The following GALNT17 variants were observed in gnomAD, a reference collection of about 807,000 sequenced individuals.
GALNT17 encodes UDP-GalNAc:polypeptide N-acetylgalactosaminyltransferase-like 3.
A neutral mutation model predicts 63.7 loss-of-function variants in GALNT17; 29 were observed. That is an observed-to-expected ratio of 0.46 (90% CI 0.34 to 0.62). GALNT17 has a LOEUF of 0.62. GALNT17 is among the 20% of genes least tolerant of loss of function. GALNT17 has a pLI of 0.01. For missense variants in GALNT17, 603 were observed against 799.6 expected, an observed-to-expected ratio of 0.75 and a Z score of 2.97; for synonymous variants, 305 against 318.3, an observed-to-expected ratio of 0.96 and a Z score of 0.45.
At chr7:71,524,563 A>G (rs1264548135) in intron 5 of GALNT17, among the ~76,000 whole-genome samples, 1 of 152,156 alleles carries the variant, frequency 6.6e-6, no homozygotes, top group African/African-American at 2.4e-5. Context: ...TGCCAGAAGC[A>G]TTCCCTAAAA....
At chr7:71,697,961 A>G (rs2117106616) in intron 9 of GALNT17, among the ~76,000 whole-genome samples, 1 of 152,126 alleles carries the variant, frequency 6.6e-6, no homozygotes, top group Non-Finnish European at 1.5e-5. Flanking sequence ...TGTCTCTACT[A>G]AAAGTACAAA....
intron 6 of GALNT17, among the ~76,000 whole-genome samples, chr7:71,663,647 A>G (rs1790940485): frequency 2.6e-5 from 4 of 152,230 alleles, no homozygotes; most frequent in Admixed American, 2.6e-4. Flanking sequence ...ATTCTTGCTT[A>G]TGGGAGAATT....
chr7:71,233,895 G>C (rs7810294), intron 1 of GALNT17, among the ~76,000 whole-genome samples: 1 of 152,190 alleles, frequency 6.6e-6, no homozygotes, highest in Non-Finnish European at 1.5e-5. Context: ...CATGGTGGAA[G>C]GCAAAGGGGA....
intron 3 of GALNT17, among the ~76,000 whole-genome samples, chr7:71,388,876 C>G (rs746503429): frequency 6.6e-6 from 1 of 152,056 alleles, no homozygotes; most frequent in Non-Finnish European, 1.5e-5. Context: ...TCTATTATTC[C>G]TTGAGTCCTC....
chr7:71,425,286 G>A (rs993398774), intron 5 of GALNT17, among the ~76,000 whole-genome samples: 4 of 151,858 alleles, frequency 2.6e-5, no homozygotes, highest in African/African-American at 7.3e-5. Flanking sequence ...GCAGGGGAGC[G>A]ATCTCGGCTC....
At chr7:71,339,413 G>A (rs1345756490) in intron 2 of GALNT17, among the ~76,000 whole-genome samples, 4 of 152,202 alleles carry the variant, frequency 2.6e-5, no homozygotes, top group South Asian at 2.1e-4. Context: ...GGGGCCAGGC[G>A]TGGTGGCTCA....
At chr7:71,262,578 G>C (rs371814832) in intron 1 of GALNT17, among the ~76,000 whole-genome samples, 1 of 151,630 alleles carries the variant, frequency 6.6e-6, no homozygotes. Flanking sequence ...TGTACTTGTA[G>C]AAAAGATCTT....
At chr7:71,701,259 G>A (rs1479322992) in intron 9 of GALNT17, among the ~76,000 whole-genome samples, 4 of 152,150 alleles carry the variant, frequency 2.6e-5, no homozygotes, top group Admixed American at 2.6e-4. Context: ...GGCCGAGGTA[G>A]GCAGATCACC....
intron 1 of GALNT17, among the ~76,000 whole-genome samples, chr7:71,208,009 A>C (rs975189976): frequency 6.7e-6 from 1 of 150,254 alleles, no homozygotes; most frequent in Admixed American, 6.7e-5. Flanking sequence ...ATCATGGCTC[A>C]CTGCAACCTC....
chr7:71,204,441 A>C (rs1250802032), intron 1 of GALNT17, among the ~76,000 whole-genome samples: 4 of 152,284 alleles, frequency 2.6e-5, no homozygotes, highest in Admixed American at 2.6e-4. Flanking sequence ...TAAAAATGTC[A>C]TTGGAATTTG....
chr7:71,446,609 C>T (rs1194685816), intron 5 of GALNT17, among the ~76,000 whole-genome samples: 1 of 152,196 alleles, frequency 6.6e-6, no homozygotes, highest in Non-Finnish European at 1.5e-5. Context: ...AGTGCAATGG[C>T]ATGATCTCGG....
intron 3 of GALNT17, among the ~76,000 whole-genome samples, chr7:71,413,980 G>T (rs1391928402): frequency 2.0e-5 from 3 of 152,072 alleles, no homozygotes; most frequent in Non-Finnish European, 4.4e-5. Context: ...AGTGGCTCAT[G>T]CCTGTAATCC....
chr7:71,673,156 C>T (rs1401054841), intron 8 of GALNT17, among the ~76,000 whole-genome samples: 1 of 152,098 alleles, frequency 6.6e-6, no homozygotes, highest in African/African-American at 2.4e-5. Flanking sequence ...TATTAAAAAG[C>T]TTGATAATGA....
chr7:71,570,281 C>T (rs530067445), intron 5 of GALNT17, among the ~76,000 whole-genome samples: 4 of 152,126 alleles, frequency 2.6e-5, no homozygotes, highest in Admixed American at 1.3e-4. Context: ...CTCCTCTCTG[C>T]GGGCTGAGGT....
chr7:71,624,967 G>A (rs1790350380), intron 6 of GALNT17, among the ~76,000 whole-genome samples: 1 of 152,206 alleles, frequency 6.6e-6, no homozygotes, highest in East Asian at 1.9e-4. Context: ...CTGTACGCTT[G>A]TAAGAGAGTG....
At chr7:71,196,177 C>T (rs376131611) in intron 1 of GALNT17, among the ~76,000 whole-genome samples, 9 of 152,058 alleles carry the variant, frequency 5.9e-5, no homozygotes, top group South Asian at 2.1e-4. Context: ...CTTGCTCTGT[C>T]GCCTAGGCTG....
In GALNT17 at chr7:71,676,380, G is replaced by GT. The variant is rs112412530; in HGVS notation, c.1405-821dup. 9.1e-3 allele frequency among the ~76,000 whole-genome samples: 1,356 copies of GT among 148,962 alleles called. 38 individuals are homozygous for GT. The highest frequency in any genetic ancestry group is 0.068 in the Admixed American group (1,016 of 14,864). ...GCATTTTATGATAGTAAGCTTTTAG[G>GT]TTTTTTTTTTCTTTTTTTTTTAGAA... On this transcript the variant is annotated intron_variant, in intron 8 of 10. Transcript: ENST00000333538.
chr7:71,597,698 A>ACAAATG (rs1349956066), intron 6 of GALNT17, among the ~76,000 whole-genome samples: 1 of 152,126 alleles, frequency 6.6e-6, no homozygotes, highest in Non-Finnish European at 1.5e-5. Flanking sequence ...CCCATGTCAC[A>ACAAATG]CAAATGCAGT....
intron 1 of GALNT17, among the ~76,000 whole-genome samples, chr7:71,186,841 T>TGG: frequency 6.6e-6 from 1 of 152,210 alleles, no homozygotes; most frequent in Admixed American, 6.5e-5. Flanking sequence ...ATATTTTCCC[T>TGG]AAGGCGAGAA....
Sources: allele counts gnomAD v4.1 joint callset (sites outside exome capture counted in the v4.1 genomes callset), GRCh38; gene constraint gnomAD v4.1.1; transcripts MANE v1.5; gene names NCBI Gene and HGNC (gene_info 2026-07-23, HGNC 2026-07-21).